The following SLC6A6 variants were observed in gnomAD, a reference collection of about 807,000 sequenced individuals.
SLC6A6 encodes the protein sodium- and chloride-dependent taurine transporter.
In SLC6A6, 16 loss-of-function variants were observed where a neutral mutation model predicts 68.8. The observed-to-expected ratio is 0.23, with a 90% CI of 0.16 to 0.35. The LOEUF (loss-of-function observed/expected upper bound fraction) is 0.35, where lower values mean the gene tolerates loss of function less well. SLC6A6 is among the 10% of genes least tolerant of loss of function. The probability of loss-of-function intolerance (pLI) is 1.00; values close to 1 mark genes in which losing one functional copy is unlikely to be tolerated. For missense variants in SLC6A6, 474 were observed against 802.8 expected (o/e 0.59, Z 4.95); for synonymous variants, 312 against 315.4 (o/e 0.99, Z 0.12).
intron 4 of SLC6A6, among the ~76,000 whole-genome samples, chr3:14,446,767 A>T (rs1261185993): frequency 6.6e-6 from 1 of 152,224 alleles, no homozygotes; most frequent in East Asian, 1.9e-4. Flanking sequence ...AGACAAAATG[A>T]CATAGCCACG....
At position 14,433,400 on chromosome 3, in the gene SLC6A6, G is replaced by T. The variant is rs186058161; in HGVS notation, c.-11-10224G>T. Among the ~76,000 whole-genome samples the T allele has an allele frequency of 2.3e-3, 346 of 152,262 alleles. 1 individual carries two copies. Among genetic ancestry groups the T allele is most frequent in the African/African-American group, 7.4e-3 (307 of 41,540 alleles). Reference sequence around the variant, plus strand: ...TTGTGCCACCAGTCTTAGGTGTTAGGTCCTTGGTCAAGGGGAAGACATTCT... The same window carrying T: ...TTGTGCCACCAGTCTTAGGTGTTAGTTCCTTGGTCAAGGGGAAGACATTCT... On this transcript the variant is annotated intron_variant, in intron 2 of 14. Transcript: ENST00000622186.
intron 9 of SLC6A6, among the ~76,000 whole-genome samples, chr3:14,470,862 G>A (rs1311290568): frequency 6.6e-6 from 1 of 152,170 alleles, no homozygotes; most frequent in East Asian, 1.9e-4. Context: ...GGTAACCCCC[G>A]CTCCTGATGG....
chr3:14,464,204 G>T (rs932893811), intron 6 of SLC6A6, among the ~76,000 whole-genome samples: 1 of 152,220 alleles, frequency 6.6e-6, no homozygotes, highest in Non-Finnish European at 1.5e-5. Context: ...CTTGGCTTCA[G>T]ACCTGAGGGC....
In SLC6A6 at chr3:14,468,621, C is replaced by T. The variant is rs994665824; in HGVS notation, c.1096+409C>T. Among the ~76,000 whole-genome samples the T allele has an allele frequency of 8.0e-4, 121 of 152,142 alleles. No homozygotes were observed. Among genetic ancestry groups the T allele is most frequent in the Non-Finnish European group, 3.5e-4 (24 of 68,034 alleles). ...CTTGGTTTCTGTATTTTGCACTTTG[C>T]TCCCAGCGTGCTCCCTCTAAGCAGA... On this transcript the variant is annotated intron_variant, in intron 9 of 14. Transcript: ENST00000622186. The surrounding 1 kb of genome is among the most constrained non-coding windows in gnomAD (Gnocchi z 4.5).
intron 1 of SLC6A6, among the ~76,000 whole-genome samples, chr3:14,406,855 C>G (rs1699120999): frequency 1.3e-5 from 2 of 152,248 alleles, no homozygotes; most frequent in South Asian, 4.1e-4. Context: ...TAATAAACCA[C>G]CTGAAACAAA....
At chr3:14,417,457 C>CAT (rs1278926472) in intron 2 of SLC6A6, among the ~76,000 whole-genome samples, 7 of 151,972 alleles carry the variant, frequency 4.6e-5, no homozygotes, top group Non-Finnish European at 1.0e-4. Flanking sequence ...CCAGGCCGGG[C>CAT]GCCGTGGCTC....
intron 2 of SLC6A6, among the ~76,000 whole-genome samples, chr3:14,427,819 C>T (rs754768268): frequency 6.6e-6 from 1 of 152,218 alleles, no homozygotes; most frequent in Non-Finnish European, 1.5e-5. Context: ...GGTTGCTCTG[C>T]AGGTCCACAG....
Position 14,481,379 on chromosome 3 carries a change from T to TG in SLC6A6, c.1552-291dup, listed in dbSNP as rs1255775858. Among the ~76,000 whole-genome samples the TG allele has an allele frequency of 6.6e-6, 1 of 151,906 alleles. No homozygotes were observed. Among genetic ancestry groups the TG allele is most frequent in the African/African-American group, 2.4e-5 (1 of 41,318 alleles). ...GACACGGAGGGAGAGTTGAGGCAGA[T>TG]GAGGGAGGAAGGGGTACAGCTTCTG... On this transcript the variant is annotated intron_variant, in intron 13 of 14. Coordinates refer to ENST00000622186, the MANE Select transcript of SLC6A6 (RefSeq NM_003043.6). The surrounding 1 kb of genome is among the most constrained non-coding windows in gnomAD (Gnocchi z 4.7).
At chr3:14,434,364 G>A (rs767355011) in intron 2 of SLC6A6, among the ~76,000 whole-genome samples, 20 of 152,150 alleles carry the variant, frequency 1.3e-4, no homozygotes, top group Non-Finnish European at 2.9e-4. Flanking sequence ...CTCCGCAGAG[G>A]GGCCTACTTT....
In SLC6A6 at chr3:14,476,458, C is replaced by T. The variant is rs138577485; in HGVS notation, c.1210-747C>T. 7.7e-3 allele frequency among the ~76,000 whole-genome samples: 1,166 copies of T among 152,298 alleles called. 12 individuals carry two copies. The highest frequency in any genetic ancestry group is 0.014 in the Middle Eastern group (4 of 294). On this transcript the variant is annotated intron_variant, in intron 10 of 14. Transcript: ENST00000622186. ...ATGTTACCTACAGAGGGGCCTTTTC[C>T]AACCAGCTTCTTTTCCTTTGGGAGC... is the stretch of plus-strand genomic sequence containing the variant.
intron 1 of SLC6A6, among the ~76,000 whole-genome samples, chr3:14,413,404 A>G (rs2124901048): frequency 1.3e-5 from 2 of 152,254 alleles, no homozygotes; most frequent in East Asian, 3.9e-4. Context: ...GAGGACAGAG[A>G]GGTCGTGGTC....
In SLC6A6 at chr3:14,420,660, T is replaced by G. The variant is rs528917382; in HGVS notation, c.-12+4207T>G. Among the ~76,000 whole-genome samples the G allele has an allele frequency of 2.0e-5, 3 of 152,126 alleles. No homozygotes were observed. In the South Asian group the frequency reaches 6.2e-4, roughly 32 times the overall value. ...CATGCCTCCATGCCTGGCTAATTAT[T>G]TTTTTTAGAGACTGGGTCTCACTAT... On this transcript the variant is annotated intron_variant, in intron 2 of 14. Coordinates refer to ENST00000622186, the MANE Select transcript of SLC6A6 (RefSeq NM_003043.6).
At chr3:14,410,463 G>A (rs926316248) in intron 1 of SLC6A6, among the ~76,000 whole-genome samples, 1 of 152,214 alleles carries the variant, frequency 6.6e-6, no homozygotes, top group Non-Finnish European at 1.5e-5. Context: ...AGCCCAGGAT[G>A]GGGTTCCTGG....
At chr3:14,417,556 CCT>C (rs1020367491) in intron 2 of SLC6A6, among the ~76,000 whole-genome samples, 1 of 151,648 alleles carries the variant, frequency 6.6e-6, no homozygotes, top group African/African-American at 2.4e-5. Context: ...ACGGTGAAAC[CCT>C]GTCTCTACTA....
At chr3:14,406,926 G>A (rs1699122712) in intron 1 of SLC6A6, among the ~76,000 whole-genome samples, 2 of 152,208 alleles carry the variant, frequency 1.3e-5, no homozygotes, top group Admixed American at 1.3e-4. Context: ...TCAGGTATCA[G>A]AATTGCCTGG....
At position 14,402,787 on chromosome 3, in the gene SLC6A6, C is replaced by T. The variant is rs1325866426; in HGVS notation, c.-114C>T. ...GTCAGAGAGCGAGCGGGCAGGCAGC[C>T]CCCGGCCGGCGGAACCCGGCACAGC... On this transcript the variant is annotated 5_prime_UTR_variant, in exon 1 of 15. Coordinates refer to ENST00000622186, the MANE Select transcript of SLC6A6 (RefSeq NM_003043.6). The surrounding 1 kb of genome is among the most constrained non-coding windows in gnomAD (Gnocchi z 4.8). 11 of 397,912 alleles carry T rather than the reference C, an allele frequency of 2.8e-5. No homozygotes were observed. Among genetic ancestry groups the T allele is most frequent in the Non-Finnish European group, 4.4e-5 (10 of 225,678 alleles). The allele number at this position is 397,912 out of a possible 1,614,324, so 24.6% of individuals were successfully genotyped here.
In SLC6A6 at chr3:14,484,850, C is replaced by A. The variant is rs1295987207; in HGVS notation, c.1723-17C>A. The A allele has an allele frequency of 6.2e-7, 1 of 1,610,724 alleles. No individual in the cohort carries two copies. Among genetic ancestry groups the A allele is most frequent in the Non-Finnish European group, 8.5e-7 (1 of 1,179,194 alleles). On this transcript the variant is annotated splice_polypyrimidine_tract_variant and intron_variant, in intron 14 of 14. Transcript: ENST00000622186. The stretch of plus-strand genomic sequence containing the variant: ...CCGCCTGACGTTTCCCCCCTCACTC[C>A]TGTCATCCTTCTCCAGAGAGTCAAG...
At chr3:14,414,736 G>T (rs1282457389) in intron 1 of SLC6A6, among the ~76,000 whole-genome samples, 1 of 152,082 alleles carries the variant, frequency 6.6e-6, no homozygotes, top group African/African-American at 2.4e-5. Context: ...TCCCTGTGTT[G>T]CTCAGGTTGG....
Position 14,466,593 on chromosome 3 carries a change from G to C in SLC6A6, c.810G>C (p.Ala270=). 6.2e-7 allele frequency: 1 copy of C among 1,612,840 alleles called. No individual in the cohort carries two copies. The highest frequency in any genetic ancestry group is 1.1e-5 in the South Asian group (1 of 90,946). The change falls in exon 7 of 15, where the codon GCG becomes GCC. Residue 270 remains alanine (A), a synonymous_variant. Coordinates refer to ENST00000622186, the MANE Select transcript of SLC6A6 (RefSeq NM_003043.6). ...TCCGAGGGCTGACGCTGCCGGGCGCGGGCGCAGGCATCAAGTTCTATCTGT... is the reference window on the plus strand; with the variant it reads ...TCCGAGGGCTGACGCTGCCGGGCGCCGGCGCAGGCATCAAGTTCTATCTGT... ...LLVRGLTLPG[A]GAGIKFYLYP... is the part of the protein sequence containing the mutation.
Sources: gnomAD v4.1 joint callset for allele counts (sites outside exome capture counted in the v4.1 genomes callset) on GRCh38, gnomAD v4.1.1 for gene constraint, Gnocchi (gnomAD v3.1) non-coding constraint, MANE v1.5 for transcripts, NCBI Gene and HGNC (gene_info 2026-07-23, HGNC 2026-07-21) for gene names.